The following DOCK7 variants were observed in gnomAD, a reference collection of about 807,000 sequenced individuals.
DOCK7 encodes dedicator of cytokinesis 7, also known as dedicator of cytokinesis protein 7.
Under a neutral mutation model 271.0 loss-of-function variants are expected in DOCK7, and 138 were observed. The observed-to-expected ratio is 0.51, with a 90% confidence interval of 0.44 to 0.59. The LOEUF (loss-of-function observed/expected upper bound fraction) is 0.59. Among genes scored for constraint, DOCK7 ranks in the 20% least tolerant of loss-of-function variants. The pLI, the probability that DOCK7 is intolerant of heterozygous loss-of-function variation, is 0.00. For synonymous variants in DOCK7, 823 were observed against 876.1 expected (o/e 0.94, Z 1.07); for missense variants, 2,066 against 2,592.4 (o/e 0.80, Z 4.41).
chr1:62,510,763 C>A, intron 33 of DOCK7, 90 bp from the exon 34 acceptor site: 2 of 995,444 alleles, frequency 2.0e-6, no homozygotes, highest in East Asian at 2.6e-5. Flanking sequence ...AAATATACAA[C>A]AATAATTTGT....
rs1655323531 is a variant in DOCK7, at chr1:62,636,755, C to A, written c.819-152G>T. 4 of 587,218 alleles carry A rather than the reference C, an allele frequency of 6.8e-6. No individual in the cohort carries two copies. The South Asian group carries it at 9.4e-5, about 14-fold the overall frequency. The allele number at this position is 587,218 out of a possible 1,614,324, so 36.4% of individuals were successfully genotyped here. A position where few individuals can be genotyped will look rare whatever the true frequency, so the allele number is the denominator to read the frequency against. On this transcript the variant is annotated intron_variant, in intron 7 of 49. Coordinates refer to ENST00000635253, the MANE Select transcript of DOCK7 (RefSeq NM_001367561.1). ...TTAAAACTTCTTCTTGAAATACACT[C>A]TTCTATGCATATCGTTCAGAGTCTA...
At chr1:62,634,571 T>C (rs1655024655) in intron 9 of DOCK7, 4 of 445,668 alleles carry the variant, frequency 9.0e-6, no homozygotes, top group African/African-American at 6.0e-5. Context: ...TTCCTATTAG[T>C]TCTGTTTCAC....
chr1:62,621,134 G>A (rs192821249), intron 12 of DOCK7, among the ~76,000 whole-genome samples: 1 of 152,086 alleles, frequency 6.6e-6, no homozygotes, highest in Non-Finnish European at 1.5e-5. Context: ...AAAGGAGGAA[G>A]AGAGAGGAAG....
intron 41 of DOCK7, among the ~76,000 whole-genome samples, chr1:62,491,695 C>G (rs1232217118): frequency 6.6e-6 from 1 of 152,180 alleles, no homozygotes; most frequent in African/African-American, 2.4e-5. Flanking sequence ...CAATGCCCAT[C>G]ATACTGGAAA....
chr1:62,655,535 C>T (rs556244495), intron 2 of DOCK7, among the ~76,000 whole-genome samples: 1 of 151,994 alleles, frequency 6.6e-6, no homozygotes, highest in South Asian at 2.1e-4. Context: ...AGGGATTCTC[C>T]CACCTCAGCC....
At position 62,513,697 on chromosome 1, in the gene DOCK7, T is replaced by C. The variant is rs770810357; in HGVS notation, c.4119+19A>G. ...GTTTCTCCTTTCTTGTTCTTTGCAA[T>C]GGTACAATGACCACTTACTTTATAC... On this transcript the variant is annotated intron_variant, in intron 32 of 49. Coordinates refer to ENST00000635253, the MANE Select transcript of DOCK7 (RefSeq NM_001367561.1). 2.6e-5 allele frequency: 42 copies of C among 1,610,124 alleles called. No individual in the cohort carries two copies. Among genetic ancestry groups the C allele is most frequent in the South Asian group, 4.4e-5 (4 of 90,232 alleles).
At chr1:62,566,444 G>A (rs1646518540) in intron 18 of DOCK7, among the ~76,000 whole-genome samples, 1 of 152,116 alleles carries the variant, frequency 6.6e-6, no homozygotes, top group African/African-American at 2.4e-5. Context: ...CAAGCAATGG[G>A]GAAAGGATTC....
At chr1:62,561,459 AT>A (rs1646319412) in intron 19 of DOCK7, among the ~76,000 whole-genome samples, 157 bp downstream of exon 19, 1 of 152,192 alleles carries the variant, frequency 6.6e-6, no homozygotes, top group Non-Finnish European at 1.5e-5. Flanking sequence ...TTTTAAAAAA[AT>A]CTTCTAAATA....
At chr1:62,561,762 TAAAC>T in intron 18 of DOCK7, 59 bp from the exon 19 acceptor site, 4 of 1,063,186 alleles carry the variant, frequency 3.8e-6, no homozygotes, top group Non-Finnish European at 5.3e-6. Context: ...ACTCTGAAAA[TAAAC>T]AAAAATTACA....
Position 62,633,753 on chromosome 1 carries a change from C to T in DOCK7, c.1036-175G>A, listed in dbSNP as rs144650800. ...ATTCAGTACTCTTTCATGGCAGAAA[C>T]GCTCAACAAAGTAGTAATGCAAAGA... is the stretch of plus-strand genomic sequence containing the variant. On this transcript the variant is annotated intron_variant, in intron 9 of 49. Transcript: ENST00000635253. 188 of 531,372 alleles carry T rather than the reference C, an allele frequency of 3.5e-4. 2 individuals carry two copies. The highest frequency in any genetic ancestry group is 2.4e-3 in the African/African-American group (125 of 51,774). 32.9% of individuals were successfully genotyped at this position (531,372 alleles called of 1,614,324 possible).
intron 37 of DOCK7, among the ~76,000 whole-genome samples, chr1:62,498,289 C>T (rs564319101): frequency 5.3e-5 from 8 of 152,100 alleles, no homozygotes; most frequent in Non-Finnish European, 1.2e-4. Context: ...TCTTTCATCT[C>T]CATCCCTTTC....
rs144952434 is a variant in DOCK7 at position 62,510,402 on chromosome 1, C to T, written c.4379+175G>A. ...CCTTACTATACCACGAGAAGTTCTT[C>T]CTCCAAATCTTTTTAAATCTAAAAT... On this transcript the variant is annotated intron_variant, in intron 34 of 49. Transcript: ENST00000635253. Among the ~76,000 whole-genome samples, 545 of 152,186 alleles carry T rather than the reference C, an allele frequency of 3.6e-3. 5 individuals are homozygous for T. The highest frequency in any genetic ancestry group is 4.4e-3 in the Non-Finnish European group (296 of 67,994).
At chr1:62,679,057 T>A (rs1660834975) in intron 1 of DOCK7, among the ~76,000 whole-genome samples, 1 of 152,118 alleles carries the variant, frequency 6.6e-6, no homozygotes, top group South Asian at 2.1e-4. Context: ...TTTTTTAATC[T>A]ACAATAGAGG....
intron 4 of DOCK7, among the ~76,000 whole-genome samples, chr1:62,651,336 A>G (rs1265745869): frequency 6.7e-6 from 1 of 148,410 alleles, no homozygotes; most frequent in African/African-American, 2.5e-5. Context: ...GCATTAGGAG[A>G]TATACCTAAT....
intron 33 of DOCK7, among the ~76,000 whole-genome samples, chr1:62,512,968 C>A (rs148338298): frequency 6.6e-6 from 1 of 151,330 alleles, no homozygotes; most frequent in African/African-American, 2.4e-5. Flanking sequence ...ATGTAAACTG[C>A]GGACTCTGGG....
intron 43 of DOCK7, chr1:62,485,908 AT>A (rs773842857): frequency 1.4e-4 from 22 of 156,242 alleles, no homozygotes; most frequent in Non-Finnish European, 2.8e-4. Flanking sequence ...TAACAAGAAA[AT>A]AAAGTCTGTG....
At chr1:62,513,675 T>C (rs1243069476) in intron 32 of DOCK7, 41 bp downstream of exon 32, 1 of 1,605,976 alleles carries the variant, frequency 6.2e-7, no homozygotes, top group Non-Finnish European at 8.5e-7. Context: ...ACATTATGTT[T>C]CTCCTTTCTT....
At chr1:62,560,878 T>C (rs1292003924) in intron 19 of DOCK7, among the ~76,000 whole-genome samples, 2 of 152,240 alleles carry the variant, frequency 1.3e-5, no homozygotes, top group Non-Finnish European at 2.9e-5. Flanking sequence ...CATATTACAC[T>C]GTAAGGTTCT....
chr1:62,658,794 T>G (rs4495740), intron 2 of DOCK7, among the ~76,000 whole-genome samples: 50,662 of 150,146 alleles, frequency 0.34, 8,606 homozygotes, highest in South Asian at 0.42. Flanking sequence ...TACCAAAAAT[T>G]TACAAAAAAT....
Sources: allele counts gnomAD v4.1 joint callset (sites outside exome capture counted in the v4.1 genomes callset), GRCh38; gene constraint gnomAD v4.1.1; transcripts MANE v1.5; gene names NCBI Gene and HGNC (gene_info 2026-07-23, HGNC 2026-07-21).